ARHGAP21: variants seen among roughly 807,000 people sequenced by gnomAD.
ARHGAP21 encodes rho GTPase-activating protein 21.
Under a neutral mutation model 164.6 loss-of-function variants are expected in ARHGAP21, and 38 were observed. The observed-to-expected ratio is 0.23, with a 90% CI of 0.18 to 0.30. The LOEUF (loss-of-function observed/expected upper bound fraction) is 0.30. Ranked by LOEUF, ARHGAP21 falls within the 10% of genes least tolerant of loss-of-function variation. ARHGAP21 has a pLI of 1.00. For synonymous variants in ARHGAP21, 766 were observed against 857.9 expected (o/e 0.89, Z 1.87); for missense variants, 1,822 against 2,370.7 (o/e 0.77, Z 4.81).
At chr10:24,717,373 C>T (rs1239536492) in intron 2 of ARHGAP21, among the ~76,000 whole-genome samples, 1 of 152,110 alleles carries the variant, frequency 6.6e-6, no homozygotes, top group Non-Finnish European at 1.5e-5. Flanking sequence ...AAACATGGTC[C>T]CTGCTCTTAT....
At chr10:24,707,676 A>G (rs1844375357) in intron 2 of ARHGAP21, among the ~76,000 whole-genome samples, 1 of 152,178 alleles carries the variant, frequency 6.6e-6, no homozygotes, top group African/African-American at 2.4e-5. Flanking sequence ...TCACCCAAAC[A>G]GAAACCAGAG....
chr10:24,681,198 A>G (rs1841724197), intron 2 of ARHGAP21, among the ~76,000 whole-genome samples: 1 of 152,242 alleles, frequency 6.6e-6, no homozygotes, highest in Non-Finnish European at 1.5e-5. Context: ...AAATGTTCCA[A>G]AAGACTGCAA....
Position 24,693,512 on chromosome 10 carries a change from G to A in ARHGAP21, c.64-23115C>T, listed in dbSNP as rs192339842. Reference sequence around the variant, plus strand: ...ATTACAGGCGCTCGCCACCACGCCCGGCTAATTTTTTTGTATTTTTAGTAG... The same window carrying A: ...ATTACAGGCGCTCGCCACCACGCCCAGCTAATTTTTTTGTATTTTTAGTAG... On this transcript the variant is annotated intron_variant, in intron 2 of 25. Transcript: ENST00000396432. Among the ~76,000 whole-genome samples the A allele has an allele frequency of 6.7e-3, 1,020 of 151,994 alleles. 6 individuals are homozygous for A. Among genetic ancestry groups the A allele is most frequent in the Non-Finnish European group, 0.01 (681 of 67,966 alleles).
chr10:24,649,486 G>C (rs943811703), intron 4 of ARHGAP21, among the ~76,000 whole-genome samples: 1 of 152,012 alleles, frequency 6.6e-6, no homozygotes, highest in Non-Finnish European at 1.5e-5. Flanking sequence ...CTTTGGAGCT[G>C]AACAAAGTAG....
intron 2 of ARHGAP21, among the ~76,000 whole-genome samples, chr10:24,676,631 C>T (rs148748476): frequency 3.9e-5 from 6 of 152,212 alleles, no homozygotes; most frequent in Non-Finnish European, 7.4e-5. Flanking sequence ...TTCACCCCTA[C>T]GCAATATACC....
At chr10:24,668,790 T>C (rs1396196796) in intron 3 of ARHGAP21, among the ~76,000 whole-genome samples, 2 of 152,198 alleles carry the variant, frequency 1.3e-5, no homozygotes, top group African/African-American at 2.4e-5. Context: ...ACTGTGCTAC[T>C]AAAATTTCTA....
intron 2 of ARHGAP21, among the ~76,000 whole-genome samples, chr10:24,695,068 AAAAAAAAAAAAAAAAAAAAAAAAAAAAAC>A (rs1843050369): frequency 8.7e-5 from 1 of 11,490 alleles, no homozygotes; most frequent in Admixed American, 7.2e-4. Context: ...AAAAAAAAAA[AAAAAAAAAAAAAAAAAAAAAAAAAAAAAC>A]GAAAAGAAAG....
rs1472176285 is a variant in ARHGAP21 at position 24,620,528 on chromosome 10, C to A, written c.1367G>T (p.Arg456Leu). 1 of 1,611,570 alleles carries A rather than the reference C, an allele frequency of 6.2e-7. No individual in the cohort carries two copies. Among genetic ancestry groups the A allele is most frequent in the Non-Finnish European group, 8.5e-7 (1 of 1,178,564 alleles). Residue 456 changes from arginine (R) to leucine (L), a missense_variant, in exon 9 of 26, where the codon CGC becomes CTC. Physicochemically the swap from Arg to Leu is moderately radical, Grantham distance 102. Around this residue, in one of 5 missense-constraint regions of ARHGAP21, gnomAD observed 1,090 missense variants for 1,378.9 expected, o/e 0.79. Coordinates refer to ENST00000396432, the MANE Select transcript of ARHGAP21 (RefSeq NM_020824.4). ...TTCCAGTCTTTCTTGGGACACACTG[C>A]GTTGCCGTATCTGGACAGACTGGGG... ...RVPQSVQIRQRSVSQERLEDS... is the reference protein window; with the variant it reads ...RVPQSVQIRQLSVSQERLEDS...
Position 24,585,970 on chromosome 10 carries a change from A to G in ARHGAP21, c.4319T>C (p.Val1440Ala), listed in dbSNP as rs553103965. 1.9e-6 allele frequency: 3 copies of G among 1,614,200 alleles called. No homozygotes were observed. Among genetic ancestry groups the G allele is most frequent in the East Asian group, 4.5e-5 (2 of 44,886 alleles). Residue 1440 changes from valine to alanine, a missense_variant, in exon 26 of 26, where the codon GTA becomes GCA. Coordinates refer to ENST00000396432, the MANE Select transcript of ARHGAP21 (RefSeq NM_020824.4). ...TTCCACATTTTCTTTCTTAAAAAAT[A>G]CATTGTCCAGTTCATCTTCTGAGCT... is the stretch of plus-strand genomic sequence containing the variant. ...PSSSEDELDNVFFKKENVEQC... is the reference protein window; with the variant it reads ...PSSSEDELDNAFFKKENVEQC...
intron 4 of ARHGAP21, among the ~76,000 whole-genome samples, chr10:24,659,401 C>T (rs535578234): frequency 3.3e-5 from 5 of 152,176 alleles, no homozygotes; most frequent in East Asian, 3.9e-4. Context: ...CTGCAATCTC[C>T]GCCTCCCGGG....
chr10:24,704,804 C>T (rs1021547001), intron 2 of ARHGAP21, among the ~76,000 whole-genome samples: 4 of 152,022 alleles, frequency 2.6e-5, no homozygotes, highest in Non-Finnish European at 5.9e-5. Flanking sequence ...TAGGGTTTCT[C>T]CATGTTGGCC....
chr10:24,715,977 C>T (rs1010784769), intron 2 of ARHGAP21, among the ~76,000 whole-genome samples: 1 of 152,152 alleles, frequency 6.6e-6, no homozygotes, highest in Admixed American at 6.5e-5. Flanking sequence ...CCACTGCACT[C>T]AAGCCTGCGT....
At chr10:24,642,783 G>A (rs1837205822) in intron 4 of ARHGAP21, among the ~76,000 whole-genome samples, 1 of 152,292 alleles carries the variant, frequency 6.6e-6, no homozygotes, top group Admixed American at 6.5e-5. Context: ...GTAGCCCAGT[G>A]CAACTGCTCT....
At chr10:24,594,595 T>TTC (rs2076496157) in intron 21 of ARHGAP21, among the ~76,000 whole-genome samples, 1 of 141,470 alleles carries the variant, frequency 7.1e-6, no homozygotes, top group African/African-American at 2.6e-5. Flanking sequence ...AAATGACTTA[T>TTC]CTGTTTATGT....
chr10:24,660,854 A>G (rs1401485970), intron 4 of ARHGAP21, among the ~76,000 whole-genome samples: 1 of 152,204 alleles, frequency 6.6e-6, no homozygotes, highest in African/African-American at 2.4e-5. Flanking sequence ...ATCAAAATTG[A>G]CATATGTAGC....
chr10:24,647,857 CCAGA>C (rs1376259838), intron 4 of ARHGAP21, among the ~76,000 whole-genome samples: 2 of 151,914 alleles, frequency 1.3e-5, no homozygotes, highest in African/African-American at 2.4e-5. Flanking sequence ...TCTTTTTTCC[CCAGA>C]CAGTCTCACT....
At chr10:24,629,926 T>C (rs1416962974) in intron 7 of ARHGAP21, 70 bp downstream of exon 7, 3 of 1,070,326 alleles carry the variant, frequency 2.8e-6, no homozygotes, top group Non-Finnish European at 4.3e-6. Flanking sequence ...CTTTAATACT[T>C]CCATCTCAAA....
intron 1 of ARHGAP21, chr10:24,723,105 C>T (rs899505758): frequency 6.6e-5 from 10 of 151,798 alleles, no homozygotes; most frequent in African/African-American, 2.4e-4. Context: ...CCAATATGGA[C>T]TTTCTCAAAG....
chr10:24,710,216 T>C (rs549465221), intron 2 of ARHGAP21, among the ~76,000 whole-genome samples: 11 of 152,334 alleles, frequency 7.2e-5, no homozygotes, highest in African/African-American at 2.6e-4. Context: ...CTAGATATAC[T>C]ATATGTAGAA....
Sources: gnomAD v4.1 joint callset for allele counts (sites outside exome capture counted in the v4.1 genomes callset) on GRCh38, gnomAD v4.1.1 for gene constraint, gnomAD v4.1.1 regional missense constraint, MANE v1.5 for transcripts, NCBI Gene and HGNC (gene_info 2026-07-23, HGNC 2026-07-21) for gene names.